Variants in PCDHA13 observed in about 807,000 individuals in gnomAD.
PCDHA13 encodes the protein protocadherin alpha-13.
In PCDHA13, 54 loss-of-function variants were observed where a neutral mutation model predicts 64.8. The observed-to-expected ratio is 0.83, with a 90% CI of 0.67 to 1.04. The LOEUF (loss-of-function observed/expected upper bound fraction) is 1.04. PCDHA13 is among the 50% of genes least tolerant of loss of function. The pLI is 0.00. For missense variants in PCDHA13, 1,248 were observed against 1,254.3 expected, an observed-to-expected ratio of 0.99 and a Z score of 0.08; for synonymous variants, 587 against 564.4, an observed-to-expected ratio of 1.04 and a Z score of -0.57.
Position 140,882,583 on chromosome 5 carries a change from C to T in PCDHA13, c.315C>T (p.His105=), listed in dbSNP as rs143956549. The part of the protein sequence containing the change: ...LCGRSAECSI[H]LEVIVDRPLQ... ...GGCGGAGCGCGGAGTGCAGCATCCA[C>T]CTGGAGGTGATCGTGGACAGGCCTC... The change falls in exon 1 of 4, where the codon CAC becomes CAT. Residue 105 remains histidine, a synonymous_variant. Coordinates refer to ENST00000289272, the MANE Select transcript of PCDHA13 (RefSeq NM_018904.3). 2.3e-3 allele frequency: 3,635 copies of T among 1,614,232 alleles called. 15 individuals are homozygous for T. Among genetic ancestry groups the T allele is most frequent in the Middle Eastern group, 9.6e-3 (58 of 6,060 alleles).
At position 140,883,598 on chromosome 5, in the gene PCDHA13, G is replaced by A; in HGVS notation, c.1330G>A (p.Gly444Arg). ...GTGGGCCACGGCCAGCGTGTCGGTGGGGGTGGCCGACGTGAACGACAACGC... is the reference window on the plus strand; with the variant it reads ...GTGGGCCACGGCCAGCGTGTCGGTGAGGGTGGCCGACGTGAACGACAACGC... ...SLWATASVSV[G>R]VADVNDNAPA... The change falls in exon 1 of 4, where the codon GGG becomes AGG. Residue 444 changes from glycine to arginine, a missense_variant. Physicochemically the swap from Gly to Arg is moderately radical, Grantham distance 125. Coordinates refer to ENST00000289272, the MANE Select transcript of PCDHA13 (RefSeq NM_018904.3). 1 of 1,614,008 alleles carries A rather than the reference G, an allele frequency of 6.2e-7. No individual in the cohort carries two copies. The highest frequency in any genetic ancestry group is 1.7e-4 in the Middle Eastern group (1 of 6,054).
chr5:140,906,878 C>T (rs557095374), intron 1 of PCDHA13, among the ~76,000 whole-genome samples: 1 of 152,332 alleles, frequency 6.6e-6, no homozygotes, highest in East Asian at 1.9e-4. Context: ...AACACTGTAA[C>T]TTCCTTCTTA....
At chr5:140,940,940 G>T (rs187772223) in intron 1 of PCDHA13, among the ~76,000 whole-genome samples, 1 of 152,254 alleles carries the variant, frequency 6.6e-6, no homozygotes, top group Non-Finnish European at 1.5e-5. Context: ...CTTAGACTAC[G>T]TATTCTCAGA....
At chr5:140,973,946 G>A (rs566831681) in intron 1 of PCDHA13, among the ~76,000 whole-genome samples, 45 of 152,304 alleles carry the variant, frequency 3.0e-4, no homozygotes, top group Non-Finnish European at 1.5e-4. Flanking sequence ...GAATATGATG[G>A]CATTTTACAG....
chr5:140,922,465 T>G (rs116670359), intron 1 of PCDHA13, among the ~76,000 whole-genome samples: 1 of 152,190 alleles, frequency 6.6e-6, no homozygotes, highest in African/African-American at 2.4e-5. Flanking sequence ...CAACACAAAA[T>G]AGGAGAGAAG....
intron 2 of PCDHA13, among the ~76,000 whole-genome samples, chr5:140,980,645 G>A (rs1322302727): frequency 6.7e-6 from 1 of 149,206 alleles, no homozygotes; most frequent in African/African-American, 2.5e-5. Flanking sequence ...ATAAATAAAT[G>A]AATAAAATAA....
intron 1 of PCDHA13, chr5:140,967,191 A>G (rs781981464): frequency 6.2e-7 from 1 of 1,613,532 alleles, no homozygotes; most frequent in Non-Finnish European, 8.5e-7. Flanking sequence ...TTGGACATCA[A>G]CGACAACTCA....
chr5:140,994,658 T>C (rs2097643677), intron 3 of PCDHA13, among the ~76,000 whole-genome samples: 1 of 152,024 alleles, frequency 6.6e-6, no homozygotes, highest in African/African-American at 2.4e-5. Flanking sequence ...TGAGCTGAGA[T>C]CACACTACTG....
intron 1 of PCDHA13, among the ~76,000 whole-genome samples, chr5:140,904,604 T>C (rs1010462159): frequency 2.0e-5 from 3 of 152,094 alleles, no homozygotes; most frequent in Non-Finnish European, 1.5e-5. Flanking sequence ...CTGGATCAAA[T>C]AGTAGTTTTA....
In PCDHA13 at chr5:140,925,595, A is replaced by G. The variant is rs145876147; in HGVS notation, c.2394+40933A>G. 2.8e-3 allele frequency among the ~76,000 whole-genome samples: 431 copies of G among 151,786 alleles called. 1 individual carries two copies. Among genetic ancestry groups the G allele is most frequent in the African/African-American group, 9.9e-3 (412 of 41,446 alleles). On this transcript the variant is annotated intron_variant, in intron 1 of 3. Coordinates refer to ENST00000289272, the MANE Select transcript of PCDHA13 (RefSeq NM_018904.3). ...ACACCAACATGGCGCATGTATACAT[A>G]TGTAACAAACCTGCACGTTGTGCAC...
At chr5:141,005,018 T>C (rs2098193299) in intron 3 of PCDHA13, among the ~76,000 whole-genome samples, 1 of 152,250 alleles carries the variant, frequency 6.6e-6, no homozygotes, top group Non-Finnish European at 1.5e-5. Flanking sequence ...AGCTGCATTA[T>C]ATATAATTGC....
At position 140,966,247 on chromosome 5, in the gene PCDHA13, A is replaced by G. The variant is rs145363912; in HGVS notation, c.2395-12702A>G. 739 of 318,152 alleles carry G rather than the reference A, an allele frequency of 2.3e-3. 16 individuals are homozygous for G. In the Admixed American group the frequency reaches 0.033, roughly 14 times the overall value. 19.7% of individuals were successfully genotyped at this position (318,152 alleles called of 1,614,324 possible). On this transcript the variant is annotated intron_variant, in intron 1 of 3. Coordinates refer to ENST00000289272, the MANE Select transcript of PCDHA13 (RefSeq NM_018904.3). ...TCCTTAAAGACCCGTTAAGCAGGGGAGAGACGGTGGAGACTGGATGAACTG... is the reference window on the plus strand; with the variant it reads ...TCCTTAAAGACCCGTTAAGCAGGGGGGAGACGGTGGAGACTGGATGAACTG...
intron 1 of PCDHA13, among the ~76,000 whole-genome samples, chr5:140,950,403 A>C (rs2094477208): frequency 6.6e-6 from 1 of 151,818 alleles, no homozygotes; most frequent in Admixed American, 6.6e-5. Flanking sequence ...ATTCTGGGGG[A>C]TTGACAGATT....
At position 141,011,145 on chromosome 5, in the gene PCDHA13, TCTC is replaced by T. The variant is rs1410974061; in HGVS notation, c.*1209_*1211del. The T allele has an allele frequency of 6.5e-6, 1 of 153,734 alleles. No individual in the cohort carries two copies. Among genetic ancestry groups the T allele is most frequent in the Non-Finnish European group, 1.5e-5 (1 of 68,036 alleles). 9.5% of individuals were successfully genotyped at this position (153,734 alleles called of 1,614,324 possible). A position where few individuals can be genotyped will look rare whatever the true frequency, so the allele number is the denominator to read the frequency against. On this transcript the variant is annotated 3_prime_UTR_variant, in exon 4 of 4. Transcript: ENST00000289272. Reference sequence around the variant, plus strand: ...TTATGTGCACTTTGATACACAACCTTCTCTAACCAACTATATATCAAGACCCAA... The same window carrying T: ...TTATGTGCACTTTGATACACAACCTTTAACCAACTATATATCAAGACCCAA...
chr5:140,927,493 C>G, intron 1 of PCDHA13: 1 of 1,614,144 alleles, frequency 6.2e-7, no homozygotes. Flanking sequence ...CACCCACCTG[C>G]TGGTGCTTAC....
chr5:140,968,682 C>T, intron 1 of PCDHA13: 1 of 1,614,128 alleles, frequency 6.2e-7, no homozygotes, highest in Non-Finnish European at 8.5e-7. Flanking sequence ...GAGCTGCACA[C>T]AGGAGAAATT....
chr5:140,975,396 A>G (rs1366048936), intron 1 of PCDHA13, among the ~76,000 whole-genome samples: 2 of 152,248 alleles, frequency 1.3e-5, no homozygotes, highest in African/African-American at 4.8e-5. Flanking sequence ...GATCCATCAC[A>G]ATCACAGTCT....
At chr5:140,943,112 G>A (rs1250060246) in intron 1 of PCDHA13, among the ~76,000 whole-genome samples, 1 of 151,850 alleles carries the variant, frequency 6.6e-6, no homozygotes, top group African/African-American at 2.4e-5. Flanking sequence ...ACAAAAATTA[G>A]CCAGGTGTGG....
intron 1 of PCDHA13, among the ~76,000 whole-genome samples, chr5:140,908,928 A>G (rs1426452860): frequency 6.6e-6 from 1 of 152,224 alleles, no homozygotes; most frequent in Non-Finnish European, 1.5e-5. Flanking sequence ...GGCCAAATGC[A>G]GCAACTTATC....
Sources: gnomAD v4.1 joint callset for allele counts (sites outside exome capture counted in the v4.1 genomes callset) on GRCh38, gnomAD v4.1.1 for gene constraint, MANE v1.5 for transcripts, NCBI Gene and HGNC (gene_info 2026-07-23, HGNC 2026-07-21) for gene names.